Variants in ELF1 observed in about 807,000 individuals in gnomAD.
The protein encoded by ELF1 is E74 like ETS transcription factor 1.
Under a neutral mutation model 59.9 loss-of-function variants are expected in ELF1, and 24 were observed. That is an observed-to-expected ratio of 0.40 (90% CI 0.29 to 0.56). The LOEUF (loss-of-function observed/expected upper bound fraction) is 0.56. ELF1 is among the 20% of genes least tolerant of loss of function. The pLI, the probability that ELF1 is intolerant of heterozygous loss-of-function variation, is 0.44. For missense variants in ELF1, 627 were observed against 742.2 expected (o/e 0.84, Z 1.80); for synonymous variants, 248 against 266.2 (o/e 0.93, Z 0.67).
At chr13:41,055,308 C>T (rs1877244275) in intron 1 of ELF1, among the ~76,000 whole-genome samples, 1 of 152,024 alleles carries the variant, frequency 6.6e-6, no homozygotes, top group Non-Finnish European at 1.5e-5. Flanking sequence ...ATCCTACCTG[C>T]ACCCTCAGCT....
In ELF1 at chr13:40,993,183, T is replaced by C. The variant is rs543797421; in HGVS notation, c.-228-10901A>G. On this transcript the variant is annotated intron_variant, in intron 1 of 8. Coordinates refer to ENST00000239882, the MANE Select transcript of ELF1 (RefSeq NM_172373.4). ...TGTAGTGTGTGTGGTTCTTCCTGCA[T>C]TTTCCCCTTTCTTCATTCCTAACAG... 13 of 1,512,678 alleles carry C rather than the reference T, an allele frequency of 8.6e-6. No homozygotes were observed. The East Asian group carries it at 2.9e-4, about 34-fold the overall frequency. 93.7% of individuals were successfully genotyped at this position (1,512,678 alleles called of 1,614,324 possible). A position where few individuals can be genotyped will look rare whatever the true frequency, so the allele number is the denominator to read the frequency against.
At chr13:41,059,344 G>C (rs1877406903) in intron 1 of ELF1, among the ~76,000 whole-genome samples, 1 of 152,194 alleles carries the variant, frequency 6.6e-6, no homozygotes, top group Admixed American at 6.5e-5. Context: ...ACAAACATCA[G>C]TAACTTCAAA....
At chr13:41,047,457 G>T (rs561811612) in intron 1 of ELF1, among the ~76,000 whole-genome samples, 15 of 152,228 alleles carry the variant, frequency 9.9e-5, no homozygotes, top group African/African-American at 3.4e-4. Flanking sequence ...TGGGCTTTTG[G>T]TGTGGATGTC....
In ELF1 at chr13:41,061,132, C is replaced by G. The variant is rs569741455; in HGVS notation, c.-523G>C. 72 of 193,432 alleles carry G rather than the reference C, an allele frequency of 3.7e-4. 1 individual carries two copies. The South Asian group carries it at 5.7e-3, about 15-fold the overall frequency. 12.0% of individuals were successfully genotyped at this position (193,432 alleles called of 1,614,324 possible). ...TTTAACTCCGCCAGAGGACCCCGAC[C>G]CACAGGTCCCGGTTGCTCCGCTGGT... On this transcript the variant is annotated 5_prime_UTR_variant, in exon 1 of 2. Transcript: ENST00000405737.
At chr13:41,036,031 A>C (rs1042156646) in intron 1 of ELF1, among the ~76,000 whole-genome samples, 1 of 151,720 alleles carries the variant, frequency 6.6e-6, no homozygotes, top group Non-Finnish European at 1.5e-5. Flanking sequence ...CAGCCTCCCA[A>C]GTAGCTGGGA....
At chr13:40,960,659 A>C (rs1419187334) in intron 2 of ELF1, among the ~76,000 whole-genome samples, 5 of 152,188 alleles carry the variant, frequency 3.3e-5, no homozygotes, top group African/African-American at 1.2e-4. Context: ...GCTGGACTCG[A>C]ACTCCTGGGT....
chr13:40,949,855 A>G lies in ELF1; in HGVS notation c.480T>C (p.Tyr160=), dbSNP rs775087766. The change falls in exon 5 of 9, where the codon TAT becomes TAC. Residue 160 remains tyrosine, a synonymous_variant. Coordinates refer to ENST00000239882, the MANE Select transcript of ELF1 (RefSeq NM_172373.4). The part of the protein sequence containing the change: ...VMETQQVQEK[Y]ADSPGASSPE... ...GTGATGAGGCTCCCGGTGAGTCTGC[A>G]TATTTTTCTTGCACCTGCTGTGTTT... 6 of 1,614,006 alleles carry G rather than the reference A, an allele frequency of 3.7e-6. No homozygotes were observed. The highest frequency in any genetic ancestry group is 4.2e-6 in the Non-Finnish European group (5 of 1,180,018).
chr13:40,966,608 A>C (rs1005366477), intron 2 of ELF1, among the ~76,000 whole-genome samples: 7 of 152,226 alleles, frequency 4.6e-5, no homozygotes, highest in African/African-American at 1.7e-4. Flanking sequence ...CCAAGGTCCT[A>C]TGTGGATATT....
At chr13:41,037,267 G>A (rs1279090795) in intron 1 of ELF1, among the ~76,000 whole-genome samples, 4 of 152,058 alleles carry the variant, frequency 2.6e-5, no homozygotes, top group East Asian at 1.9e-4. Context: ...TCCTGAAGGC[G>A]ATTAAGCCTT....
intron 7 of ELF1, among the ~76,000 whole-genome samples, chr13:40,941,887 A>G (rs987084088): frequency 6.6e-6 from 1 of 152,046 alleles, no homozygotes; most frequent in Admixed American, 6.6e-5. Flanking sequence ...TGGAACTCCC[A>G]GGCTGAAACG....
intron 1 of ELF1, among the ~76,000 whole-genome samples, chr13:41,046,783 G>T (rs1012210031): frequency 5.9e-5 from 9 of 152,134 alleles, no homozygotes; most frequent in African/African-American, 2.2e-4. Flanking sequence ...TCTTCTCAAG[G>T]AGTATCTTTG....
At chr13:41,013,140 A>G (rs1875173691) in intron 1 of ELF1, among the ~76,000 whole-genome samples, 2 of 152,324 alleles carry the variant, frequency 1.3e-5, no homozygotes, top group South Asian at 4.1e-4. Flanking sequence ...CCAGGGCAAT[A>G]TACCATAGAA....
intron 1 of ELF1, among the ~76,000 whole-genome samples, chr13:41,040,289 A>G (rs1466924528): frequency 6.6e-6 from 1 of 152,260 alleles, no homozygotes; most frequent in Admixed American, 6.5e-5. Context: ...ATCCCATTAT[A>G]TGGAATGTAC....
At chr13:40,951,470 T>G in intron 3 of ELF1, 34 bp from the exon 4 acceptor site, 40 of 1,514,466 alleles carry the variant, frequency 2.6e-5, no homozygotes, top group Non-Finnish European at 3.1e-5. Context: ...TTAAATTAAC[T>G]ACGAGACATC....
intron 2 of ELF1, among the ~76,000 whole-genome samples, chr13:40,977,902 T>C (rs1370162482): frequency 6.6e-6 from 1 of 152,198 alleles, no homozygotes; most frequent in East Asian, 1.9e-4. Flanking sequence ...CCTGTACACA[T>C]GGTAATTTAG....
intron 8 of ELF1, among the ~76,000 whole-genome samples, chr13:40,940,299 C>CAGA (rs5803074): frequency 0.54 from 79,578 of 147,290 alleles, 24,576 homozygotes; most frequent in Non-Finnish European, 0.68. Context: ...CAAATTTCTG[C>CAGA]AGATCAGTCT....
chr13:41,004,731 T>C (rs563408647), intron 1 of ELF1, among the ~76,000 whole-genome samples: 24 of 152,324 alleles, frequency 1.6e-4, no homozygotes, highest in Non-Finnish European at 2.5e-4. Context: ...AGTGAATTTA[T>C]ATCAAATATA....
chr13:40,944,793 C>T (rs574281043), intron 5 of ELF1, among the ~76,000 whole-genome samples: 7 of 152,134 alleles, frequency 4.6e-5, no homozygotes, highest in East Asian at 1.9e-4. Flanking sequence ...TTGAGGCTGC[C>T]GCTCTGGTTT....
At chr13:41,007,190 G>A (rs897406657) in intron 1 of ELF1, among the ~76,000 whole-genome samples, 3 of 152,042 alleles carry the variant, frequency 2.0e-5, no homozygotes, top group Non-Finnish European at 4.4e-5. Context: ...ATACACCTCA[G>A]AAACGCCCTG....
Sources: gnomAD v4.1 joint callset for allele counts (sites outside exome capture counted in the v4.1 genomes callset) on GRCh38, gnomAD v4.1.1 for gene constraint, MANE v1.5 for transcripts, NCBI Gene and HGNC (gene_info 2026-07-23, HGNC 2026-07-21) for gene names.